The following DENND2C variants were observed in gnomAD, a reference collection of about 807,000 sequenced individuals.
The protein encoded by DENND2C is DENN domain-containing protein 2C.
Under a neutral mutation model 112.4 loss-of-function variants are expected in DENND2C, and 72 were observed. That is an observed-to-expected ratio of 0.64 (90% CI 0.53 to 0.78). DENND2C has a LOEUF of 0.78. Ranked by LOEUF, DENND2C falls within the 30% of genes least tolerant of loss-of-function variation. DENND2C has a pLI of 0.00. For synonymous variants in DENND2C, 329 were observed against 381.6 expected, an observed-to-expected ratio of 0.86 and a Z score of 1.61; for missense variants, 992 against 1,113.8, an observed-to-expected ratio of 0.89 and a Z score of 1.56.
intron 2 of DENND2C, among the ~76,000 whole-genome samples, chr1:114,651,175 C>T (rs1657150135): frequency 6.6e-6 from 1 of 151,840 alleles, no homozygotes. Flanking sequence ...TGGTGGCTTA[C>T]ACCTGTAAAC....
chr1:114,625,109 A>C, intron 4 of DENND2C, 70 bp downstream of exon 4: 1 of 1,441,320 alleles, frequency 6.9e-7, no homozygotes, highest in Non-Finnish European at 9.2e-7. Flanking sequence ...TGGTTTGAAA[A>C]GGAAAAAGAA....
At chr1:114,629,799 C>T (rs541856118) in intron 3 of DENND2C, among the ~76,000 whole-genome samples, 1 of 152,208 alleles carries the variant, frequency 6.6e-6, no homozygotes, top group African/African-American at 2.4e-5. Context: ...GAATTCACTC[C>T]AGTAAATTAA....
chr1:114,612,355 T>C (rs941142128), intron 8 of DENND2C, among the ~76,000 whole-genome samples: 4 of 150,612 alleles, frequency 2.7e-5, no homozygotes, highest in Non-Finnish European at 5.9e-5. Flanking sequence ...TTATAAATTT[T>C]TTTTTTTTTT....
At chr1:114,611,262 T>TACAAC in intron 8 of DENND2C, 145 bp from the exon 9 acceptor site, 1 of 850,656 alleles carries the variant, frequency 1.2e-6, no homozygotes, top group Non-Finnish European at 1.8e-6. Context: ...CTTGGTTGTA[T>TACAAC]CAAGTTGGGA....
Position 114,601,548 on chromosome 1 carries a change from C to T in DENND2C, c.1775G>A (p.Cys592Tyr). The T allele has an allele frequency of 1.2e-6, 2 of 1,613,528 alleles. No individual in the cohort carries two copies. The highest frequency in any genetic ancestry group is 1.1e-5 in the South Asian group (1 of 90,974). The change falls in exon 13 of 21, where the codon TGC becomes TAC. Residue 592 changes from cysteine (C) to tyrosine (Y), a missense_variant. This residue lies in a region of DENND2C where 516 missense variants were observed against 623.6 expected (regional missense o/e 0.83). Coordinates refer to ENST00000393274, the MANE Select transcript of DENND2C (RefSeq NM_001256404.2). ...GKGKRLPEVY[C>Y]MVSRLGCFNL... The stretch of plus-strand genomic sequence containing the variant: ...GAAGCAGCCTAGGCGACTAACCATG[C>T]AGTATACCTCAGGGAGTCGCTTTCC...
chr1:114,662,703 C>T (rs578099867), intron 1 of DENND2C, among the ~76,000 whole-genome samples: 14 of 152,192 alleles, frequency 9.2e-5, no homozygotes, highest in South Asian at 6.2e-4. Context: ...TGGCTTCGTA[C>T]CCCCAGCGCT....
intron 18 of DENND2C, among the ~76,000 whole-genome samples, chr1:114,593,258 C>T (rs1655245264): frequency 6.6e-6 from 1 of 152,202 alleles, no homozygotes; most frequent in Admixed American, 6.5e-5. Flanking sequence ...ACGCCATTTA[C>T]AACCAACACA....
Position 114,621,886 on chromosome 1 carries a change from A to C in DENND2C, c.1227+9T>G. ...AAGAGTCAAAGAATGAAAGCACTGG[A>C]GTCTTTACCCTTGGAAGATTTTTCC... is the stretch of plus-strand genomic sequence containing the variant. On this transcript the variant is annotated intron_variant, in intron 7 of 20. Coordinates refer to ENST00000393274, the MANE Select transcript of DENND2C (RefSeq NM_001256404.2). 1.3e-6 allele frequency: 2 copies of C among 1,550,452 alleles called. No homozygotes were observed. The highest frequency in any genetic ancestry group is 1.7e-6 in the Non-Finnish European group (2 of 1,146,944).
At chr1:114,605,506 GA>G (rs1202455082) in intron 10 of DENND2C, among the ~76,000 whole-genome samples, 1 of 152,188 alleles carries the variant, frequency 6.6e-6, no homozygotes, top group Non-Finnish European at 1.5e-5. Context: ...ATGTTATTTA[GA>G]AAAGATACGG....
In DENND2C at chr1:114,622,052, G is replaced by A. The variant is rs917467579; in HGVS notation, c.1070C>T (p.Pro357Leu). The A allele has an allele frequency of 7.8e-6, 12 of 1,540,102 alleles. 1 individual carries two copies. In the South Asian group the frequency reaches 8.5e-5, roughly 11 times the overall value. ...CATAGTCTTCCGGTGAAGGAACTGAGGTTTTGGAGGGAGCTAAAACAGGAG... is the reference window on the plus strand; with the variant it reads ...CATAGTCTTCCGGTGAAGGAACTGAAGTTTTGGAGGGAGCTAAAACAGGAG... ...AFKAPKLPPK[P>L]QFLHRKTMEV... Residue 357 changes from proline to leucine, a missense_variant, in exon 7 of 21, where the codon CCT (proline) becomes CTT (leucine). Around this residue, in one of 3 missense-constraint regions of DENND2C, gnomAD observed 470 missense variants for 472.7 expected, o/e 0.99. Coordinates refer to ENST00000393274, the MANE Select transcript of DENND2C (RefSeq NM_001256404.2).
intron 2 of DENND2C, among the ~76,000 whole-genome samples, chr1:114,649,425 A>G (rs1570807034): frequency 6.6e-6 from 1 of 152,236 alleles, no homozygotes; most frequent in East Asian, 1.9e-4. Context: ...TCTGTTGCCC[A>G]GAGGCACGGT....
chr1:114,632,869 A>G (rs752810952), intron 3 of DENND2C, among the ~76,000 whole-genome samples: 5 of 152,180 alleles, frequency 3.3e-5, no homozygotes, highest in Non-Finnish European at 7.3e-5. Flanking sequence ...CGTATGCAGG[A>G]TCACGTAAAA....
chr1:114,590,507 G>A (rs1233159222), intron 18 of DENND2C, among the ~76,000 whole-genome samples: 2 of 152,016 alleles, frequency 1.3e-5, no homozygotes, highest in Non-Finnish European at 2.9e-5. Flanking sequence ...GGCCGGGCGC[G>A]GTGGCTCACG....
chr1:114,593,213 C>T (rs1655244386), intron 18 of DENND2C, among the ~76,000 whole-genome samples: 1 of 152,144 alleles, frequency 6.6e-6, no homozygotes, highest in Non-Finnish European at 1.5e-5. Flanking sequence ...GGATAGTTCT[C>T]CTCCTTCCAA....
intron 3 of DENND2C, among the ~76,000 whole-genome samples, chr1:114,638,657 G>T (rs1417516104): frequency 1.3e-5 from 2 of 151,474 alleles, no homozygotes; most frequent in Non-Finnish European, 2.9e-5. Flanking sequence ...CAGCTACTTG[G>T]GAGGCTGAGG....
At chr1:114,605,996 C>A (rs1043176959) in intron 10 of DENND2C, among the ~76,000 whole-genome samples, 1 of 152,098 alleles carries the variant, frequency 6.6e-6, no homozygotes, top group Non-Finnish European at 1.5e-5. Context: ...ATTAGTATGA[C>A]CTGTCCTCTA....
chr1:114,602,793 C>T (rs1469723427), intron 11 of DENND2C, among the ~76,000 whole-genome samples: 3 of 152,184 alleles, frequency 2.0e-5, no homozygotes, highest in South Asian at 4.1e-4. Context: ...TAAACACCTG[C>T]GTTCAAATAA....
chr1:114,647,373 T>TA (rs1352512520), intron 2 of DENND2C, among the ~76,000 whole-genome samples: 2 of 151,556 alleles, frequency 1.3e-5, no homozygotes, highest in African/African-American at 4.9e-5. Flanking sequence ...TTTTTTTTTT[T>TA]AGACAGAGTC....
intron 1 of DENND2C, among the ~76,000 whole-genome samples, chr1:114,661,106 C>T (rs75669980): frequency 2.1e-4 from 22 of 102,654 alleles, no homozygotes; most frequent in Middle Eastern, 5.0e-3. Context: ...GACTCCGTCT[C>T]AAAAAAAAAA....
Sources: gnomAD v4.1 joint callset for allele counts (sites outside exome capture counted in the v4.1 genomes callset) on GRCh38, gnomAD v4.1.1 for gene constraint, gnomAD v4.1.1 regional missense constraint, MANE v1.5 for transcripts, NCBI Gene and HGNC (gene_info 2026-07-23, HGNC 2026-07-21) for gene names.